ATP5PF: variants seen among roughly 807,000 people sequenced by gnomAD.
The protein encoded by ATP5PF is ATP synthase peripheral stalk subunit F6, mitochondrial.
In ATP5PF, 7 loss-of-function variants were observed where a neutral mutation model predicts 12.0. That is an observed-to-expected ratio of 0.58 (90% CI 0.33 to 1.10). The LOEUF (loss-of-function observed/expected upper bound fraction) is 1.10. Among genes scored for constraint, ATP5PF ranks in the 50% least tolerant of loss-of-function variants. ATP5PF has a pLI of 0.03. For missense variants in ATP5PF, 120 were observed against 127.7 expected (o/e 0.94, Z 0.29); for synonymous variants, 41 against 45.4 (o/e 0.90, Z 0.39).
intron 1 of ATP5PF, 47 bp downstream of exon 1, chr21:25,734,806 A>G: frequency 6.6e-7 from 1 of 1,511,718 alleles, no homozygotes; most frequent in East Asian, 2.5e-5. Context: ...AAAACCCAGA[A>G]CTGGAGTCCC....
chr21:25,725,366 G>A lies in ATP5PF; in HGVS notation c.165-16C>T. 1.3e-6 allele frequency: 2 copies of A among 1,558,256 alleles called. No homozygotes were observed. Among genetic ancestry groups the A allele is most frequent in the African/African-American group, 1.4e-5 (1 of 72,302 alleles). ...TCCAGATGTCCTGTTAAGTAAATGA[G>A]CAAACAAAAATTAATTTTGTGTACT... On this transcript the variant is annotated splice_polypyrimidine_tract_variant and intron_variant, in intron 2 of 3. Transcript: ENST00000284971.
intron 2 of ATP5PF, among the ~76,000 whole-genome samples, chr21:25,727,182 T>C (rs528879770): frequency 6.6e-6 from 1 of 152,338 alleles, no homozygotes; most frequent in Admixed American, 6.5e-5. Flanking sequence ...AAATGGACAC[T>C]GCGGTTCTAA....
At chr21:25,732,342 A>C (rs1045884044) in intron 1 of ATP5PF, among the ~76,000 whole-genome samples, 1 of 152,046 alleles carries the variant, frequency 6.6e-6, no homozygotes, top group Non-Finnish European at 1.5e-5. Flanking sequence ...GCATGTAAAA[A>C]TTATCAAAAG....
Position 25,733,548 on chromosome 21 carries a change from A to C in ATP5PF, c.-8+1305T>G, listed in dbSNP as rs1409340762. Among the ~76,000 whole-genome samples the C allele has an allele frequency of 2.0e-5, 3 of 152,126 alleles. No homozygotes were observed. The South Asian group carries it at 6.2e-4, about 32-fold the overall frequency. ...TCTCAAAAAAAAAGTATCTGGTCAAAGTTACACAGCAAAATCTAACTTAAC... is the reference window on the plus strand; with the variant it reads ...TCTCAAAAAAAAAGTATCTGGTCAACGTTACACAGCAAAATCTAACTTAAC... On this transcript the variant is annotated intron_variant, in intron 1 of 3. Coordinates refer to ENST00000284971, the MANE Select transcript of ATP5PF (RefSeq NM_001003703.2).
intron 1 of ATP5PF, among the ~76,000 whole-genome samples, chr21:25,733,745 A>G (rs564492100): frequency 5.2e-4 from 79 of 152,316 alleles, no homozygotes; most frequent in Admixed American, 4.1e-3. Context: ...CAATACTCTC[A>G]AAGAGTTAAA....
intron 1 of ATP5PF, chr21:25,734,545 T>C: frequency 2.1e-6 from 1 of 467,720 alleles, no homozygotes; most frequent in South Asian, 5.8e-5. Context: ...GCCGAAAATC[T>C]CTCCCGCGCG....
intron 1 of ATP5PF, among the ~76,000 whole-genome samples, chr21:25,731,230 G>T (rs998457746): frequency 3.3e-5 from 5 of 152,118 alleles, no homozygotes; most frequent in African/African-American, 1.2e-4. Flanking sequence ...TGCAGGGCAA[G>T]ACTCTGTCTC....
intron 1 of ATP5PF, 106 bp downstream of exon 1, chr21:25,734,747 G>A (rs112107634): frequency 9.4e-6 from 11 of 1,170,024 alleles, no homozygotes; most frequent in Middle Eastern, 2.9e-4. Context: ...AGGACACAGA[G>A]CTGCTCTCTC....
intron 3 of ATP5PF, 58 bp downstream of exon 3, chr21:25,725,168 G>T: frequency 6.4e-7 from 1 of 1,559,104 alleles, no homozygotes; most frequent in Non-Finnish European, 8.7e-7. Flanking sequence ...ATCCAGGTAA[G>T]TGTAAATATT....
At chr21:25,733,232 A>T (rs2034850340) in intron 1 of ATP5PF, among the ~76,000 whole-genome samples, 1 of 152,052 alleles carries the variant, frequency 6.6e-6, no homozygotes, top group African/African-American at 2.4e-5. Flanking sequence ...GAGGATTAGA[A>T]GTATCTGGTC....
At chr21:25,730,736 C>CACAAAAAAAAAAAAAAAAAAA (rs1219090743) in intron 1 of ATP5PF, among the ~76,000 whole-genome samples, 4 of 31,880 alleles carry the variant, frequency 1.3e-4, no homozygotes, top group Non-Finnish European at 2.8e-4. Context: ...CTCCGTCTCA[C>CACAAAAAAAAAAAAAAAAAAA]AAAAAAAAAA....
chr21:25,734,467 C>T (rs1465266834), intron 1 of ATP5PF: 3 of 824,776 alleles, frequency 3.6e-6, no homozygotes, highest in African/African-American at 1.9e-5. Flanking sequence ...TAATTTTTTC[C>T]CTCTTAATGG....
rs2034960473 is a variant in ATP5PF, at chr21:25,734,863, G to C, written c.-18C>G. 3 of 1,542,988 alleles carry C rather than the reference G, an allele frequency of 1.9e-6. No homozygotes were observed. Among genetic ancestry groups the C allele is most frequent in the Non-Finnish European group, 1.7e-6 (2 of 1,147,704 alleles). On this transcript the variant is annotated 5_prime_UTR_variant, in exon 1 of 4. Coordinates refer to ENST00000284971, the MANE Select transcript of ATP5PF (RefSeq NM_001003703.2). Reference sequence around the variant, plus strand: ...TACCCTCCCAGTCACCTTGCACTCAGTCCCGAGCTGCCAAAGCCTCCGCCG... The same window carrying C: ...TACCCTCCCAGTCACCTTGCACTCACTCCCGAGCTGCCAAAGCCTCCGCCG...
chr21:25,734,800 C>A, intron 1 of ATP5PF, 53 bp downstream of exon 1: 1 of 1,502,522 alleles, frequency 6.7e-7, no homozygotes, highest in Non-Finnish European at 8.9e-7. Flanking sequence ...CGTGAAAAAA[C>A]CCAGAACTGG....
In ATP5PF at chr21:25,729,707, C is replaced by T. The variant is rs750292108; in HGVS notation, c.88G>A (p.Val30Met). The T allele has an allele frequency of 4.3e-6, 7 of 1,613,812 alleles. No individual in the cohort carries two copies. Among genetic ancestry groups the T allele is most frequent in the South Asian group, 2.2e-5 (2 of 91,032 alleles). ...HLRRNIGVTA[V>M]AFNKELDPIQ... The stretch of plus-strand genomic sequence containing the variant: ...GGATCAAGTTCCTTATTAAATGCCA[C>T]TGCTGTAACACCAATGTTCCTCCGC... Residue 30 changes from valine (V) to methionine (M), a missense_variant, in exon 2 of 4, where the codon GTG (valine) becomes ATG (methionine). Transcript: ENST00000284971.
chr21:25,734,182 C>T (rs1161049436), intron 1 of ATP5PF, among the ~76,000 whole-genome samples: 1 of 152,118 alleles, frequency 6.6e-6, no homozygotes, highest in African/African-American at 2.4e-5. Flanking sequence ...GACATAAATT[C>T]TCTATTCCAG....
chr21:25,725,077 A>G (rs1338486967), intron 3 of ATP5PF, 149 bp downstream of exon 3: 10 of 1,054,478 alleles, frequency 9.5e-6, no homozygotes, highest in Non-Finnish European at 1.3e-5. Flanking sequence ...CTAACAGCAA[A>G]CATTTAGCCG....
chr21:25,729,371 T>C (rs532633726), intron 2 of ATP5PF, among the ~76,000 whole-genome samples: 3 of 152,328 alleles, frequency 2.0e-5, no homozygotes, highest in African/African-American at 7.2e-5. Flanking sequence ...TTATAATACA[T>C]GACATGACAG....
rs150403548 is a variant in ATP5PF at position 25,727,904 on chromosome 21, T to C, written c.164+1727A>G. Among the ~76,000 whole-genome samples, 548 of 152,326 alleles carry C rather than the reference T, an allele frequency of 3.6e-3. 1 individual carries two copies. Among genetic ancestry groups the C allele is most frequent in the African/African-American group, 0.013 (520 of 41,568 alleles). ...GGTTGTTGTCAGAGTTTCATTACCA[T>C]GTCTACAAAGCACAGAGTAACTTAC... On this transcript the variant is annotated intron_variant, in intron 2 of 3. Coordinates refer to ENST00000284971, the MANE Select transcript of ATP5PF (RefSeq NM_001003703.2).
Sources: allele counts gnomAD v4.1 joint callset (sites outside exome capture counted in the v4.1 genomes callset), GRCh38; gene constraint gnomAD v4.1.1; transcripts MANE v1.5; gene names NCBI Gene and HGNC (gene_info 2026-07-23, HGNC 2026-07-21).